Variants in EHMT1 observed in about 807,000 individuals in gnomAD.
EHMT1 encodes euchromatic histone lysine methyltransferase 1, also known as histone-lysine N-methyltransferase EHMT1.
Under a neutral mutation model 147.2 loss-of-function variants are expected in EHMT1, and 15 were observed. The ratio of observed to expected loss-of-function variants is 0.10; its 90% CI spans 0.07 to 0.16. The LOEUF is 0.16. EHMT1 is among the 10% of genes least tolerant of loss of function. EHMT1 has a pLI of 1.00. For synonymous variants in EHMT1, 795 were observed against 709.6 expected (o/e 1.12, Z -1.91); for missense variants, 1,587 against 1,772.4 (o/e 0.90, Z 1.88).
At chr9:137,816,446 G>GATAC in intron 23 of EHMT1, 13 of 344,720 alleles carry the variant, frequency 3.8e-5, no homozygotes, top group Admixed American at 8.0e-5. Context: ...TCTGTTCTCT[G>GATAC]GGCTTCCCTA....
At chr9:137,781,957 C>G (rs1951591578) in intron 14 of EHMT1, among the ~76,000 whole-genome samples, 1 of 152,188 alleles carries the variant, frequency 6.6e-6, no homozygotes, top group South Asian at 2.1e-4. Flanking sequence ...TGTGTCTGCC[C>G]TGGTCAGCCG....
At chr9:137,630,954 A>G (rs535794264) in intron 1 of EHMT1, among the ~76,000 whole-genome samples, 8 of 152,328 alleles carry the variant, frequency 5.3e-5, no homozygotes, top group African/African-American at 1.9e-4. Context: ...TACTTTAAAA[A>G]GATGACCCTG....
chr9:137,717,649 C>T (rs1303293426), intron 3 of EHMT1, among the ~76,000 whole-genome samples: 1 of 149,782 alleles, frequency 6.7e-6, no homozygotes, highest in Non-Finnish European at 1.5e-5. Flanking sequence ...ATGCCTTGTG[C>T]GTGAGTGACA....
chr9:137,711,544 T>C (rs4631547), intron 2 of EHMT1, among the ~76,000 whole-genome samples: 64,961 of 151,934 alleles, frequency 0.43, 17,034 homozygotes, highest in East Asian at 0.9. Flanking sequence ...ACTCCAATTT[T>C]ATGGCAGACA....
chr9:137,749,239 TTCACCTGCA>T (rs1948786803), intron 6 of EHMT1, among the ~76,000 whole-genome samples: 9 of 152,204 alleles, frequency 5.9e-5, no homozygotes, highest in Admixed American at 5.9e-4. Flanking sequence ...GCCTTCTCAG[TTCACCTGCA>T]TCAGACTCTA....
rs951805955 is a variant in EHMT1 at position 137,786,306 on chromosome 9, G to A, written c.2382+3909G>A. 3 of 152,206 alleles carry A rather than the reference G, an allele frequency of 2.0e-5. No homozygotes were observed. The highest frequency in any genetic ancestry group is 4.4e-5 in the Non-Finnish European group (3 of 68,050). The allele number at this position is 152,206 out of a possible 1,614,324, so 9.4% of individuals were successfully genotyped here. A position where few individuals can be genotyped will look rare whatever the true frequency, so the allele number is the denominator to read the frequency against. On this transcript the variant is annotated intron_variant, in intron 15 of 26. Transcript: ENST00000460843. The surrounding 1 kb of genome is among the most constrained non-coding windows in gnomAD (Gnocchi z 4.3). ...CCGTCCTGCAGAACTTACTGTTGCT[G>A]GTCTTAGAGGGATTTCTATTTTTTC...
In EHMT1 at chr9:137,775,484, C is replaced by A. The variant is rs1019672205; in HGVS notation, c.1791+232C>A. 2.0e-5 allele frequency among the ~76,000 whole-genome samples: 3 copies of A among 151,732 alleles called. No individual in the cohort carries two copies. The highest frequency in any genetic ancestry group is 7.3e-5 in the African/African-American group (3 of 41,332). On this transcript the variant is annotated intron_variant, in intron 11 of 26. Transcript: ENST00000460843. The surrounding 1 kb of genome is among the most constrained non-coding windows in gnomAD (Gnocchi z 6.1). ...CATTTCCCTCCTACCGCCTGGAAAC[C>A]GCTTTTGGAGATGACTAGGACGGTG...
chr9:137,785,999 G>A (rs961994708), intron 15 of EHMT1: 1 of 152,530 alleles, frequency 6.6e-6, no homozygotes, highest in East Asian at 1.9e-4. Flanking sequence ...GTAGAAAAGG[G>A]ACATGGCTGT....
chr9:137,700,955 T>C (rs1248625890), intron 1 of EHMT1, among the ~76,000 whole-genome samples: 1 of 152,160 alleles, frequency 6.6e-6, no homozygotes, highest in Non-Finnish European at 1.5e-5. Flanking sequence ...GGTTTCTGCT[T>C]CTGGGGAAGC....
chr9:137,716,456 A>G (rs1164695428), intron 2 of EHMT1, among the ~76,000 whole-genome samples, 170 bp from the exon 3 acceptor site: 4 of 29,020 alleles, frequency 1.4e-4, no homozygotes, highest in South Asian at 3.0e-3. Context: ...TGTTGGTGTC[A>G]TGGTGGGGGA....
intron 3 of EHMT1, among the ~76,000 whole-genome samples, chr9:137,719,928 C>G (rs1945768404): frequency 1.7e-5 from 1 of 58,894 alleles, no homozygotes; most frequent in South Asian, 6.9e-4. Context: ...GTGCCGAACC[C>G]CCTCCACACC....
chr9:137,825,351 C>T (rs555295679), intron 25 of EHMT1, among the ~76,000 whole-genome samples: 15 of 152,328 alleles, frequency 9.8e-5, no homozygotes, highest in African/African-American at 3.1e-4. Context: ...GCCACGGCCA[C>T]GCTGACTTGC....
chr9:137,757,137 A>G lies in EHMT1; in HGVS notation c.1370-743A>G, dbSNP rs543940266. Among the ~76,000 whole-genome samples, 14 of 152,284 alleles carry G rather than the reference A, an allele frequency of 9.2e-5. No individual in the cohort carries two copies. The East Asian group carries it at 2.7e-3, about 29-fold the overall frequency. On this transcript the variant is annotated intron_variant, in intron 8 of 26. Transcript: ENST00000460843. Reference sequence around the variant, plus strand: ...TGTGATTACAAACACCCAATTTTATATATCTTTCTCCGGCCCTCCTGGGAA... The same window carrying G: ...TGTGATTACAAACACCCAATTTTATGTATCTTTCTCCGGCCCTCCTGGGAA...
At chr9:137,690,807 C>G (rs745356701) in intron 1 of EHMT1, among the ~76,000 whole-genome samples, 6 of 152,200 alleles carry the variant, frequency 3.9e-5, no homozygotes, top group Non-Finnish European at 5.9e-5. Flanking sequence ...ACAAATTGCA[C>G]TGCTGCTTTA....
In EHMT1 at chr9:137,833,983, C is replaced by T. The variant is rs1004816821; in HGVS notation, c.3541-366C>T. ...CTGCCTCACGGGGCTCTTGCAGCCC[C>T]GGCCTCCTTTCTCCTATTGGTGCCA... On this transcript the variant is annotated intron_variant, in intron 25 of 26. Coordinates refer to ENST00000460843, the MANE Select transcript of EHMT1 (RefSeq NM_024757.5). 2.2e-5 allele frequency: 7 copies of T among 315,008 alleles called. No individual in the cohort carries two copies. In the East Asian group the frequency reaches 5.5e-4, roughly 25 times the overall value. 19.5% of individuals were successfully genotyped at this position (315,008 alleles called of 1,614,324 possible).
chr9:137,666,580 C>G (rs1032432136), intron 1 of EHMT1, among the ~76,000 whole-genome samples: 1 of 152,220 alleles, frequency 6.6e-6, no homozygotes, highest in South Asian at 2.1e-4. Flanking sequence ...GCAGCTGGCT[C>G]TTTGCCATGC....
intron 3 of EHMT1, among the ~76,000 whole-genome samples, chr9:137,720,614 T>A (rs992297725): frequency 5.9e-5 from 9 of 152,168 alleles, no homozygotes; most frequent in Non-Finnish European, 1.5e-5. Context: ...ATTTCTGATT[T>A]TATATAAATG....
intron 1 of EHMT1, among the ~76,000 whole-genome samples, chr9:137,675,460 TTTTA>T (rs957693782): frequency 1.1e-4 from 17 of 152,018 alleles, no homozygotes; most frequent in East Asian, 3.8e-4. Context: ...ACTTTTTAAA[TTTTA>T]TTTATTTATT....
chr9:137,779,375 TCTC>T (rs1241345211), intron 13 of EHMT1, among the ~76,000 whole-genome samples: 1 of 152,254 alleles, frequency 6.6e-6, no homozygotes, highest in Non-Finnish European at 1.5e-5. Context: ...TGCGTAGTGT[TCTC>T]CTGCGGTGAC....
Sources: gnomAD v4.1 joint callset for allele counts (sites outside exome capture counted in the v4.1 genomes callset) on GRCh38, gnomAD v4.1.1 for gene constraint, Gnocchi (gnomAD v3.1) non-coding constraint, MANE v1.5 for transcripts, NCBI Gene and HGNC (gene_info 2026-07-23, HGNC 2026-07-21) for gene names.